Variants in TBC1D12 observed in about 807,000 individuals in gnomAD.
TBC1D12 encodes the protein TBC1 domain family, member 12.
Under a neutral mutation model 86.7 loss-of-function variants are expected in TBC1D12, and 56 were observed. The observed-to-expected ratio is 0.65, with a 90% CI of 0.52 to 0.81. The LOEUF is 0.81. Among genes scored for constraint, TBC1D12 ranks in the 30% least tolerant of loss-of-function variants. The probability of loss-of-function intolerance (pLI) is 0.00; values close to 1 mark genes in which losing one functional copy is unlikely to be tolerated. For synonymous variants in TBC1D12, 421 were observed against 411.7 expected (o/e 1.02, Z -0.27); for missense variants, 1,023 against 1,038.8 (o/e 0.98, Z 0.21).
rs200454823 is a variant in TBC1D12, at chr10:94,447,751, GT to G, written c.1095+5741del. 2.2e-5 allele frequency: 20 copies of G among 905,266 alleles called. No individual in the cohort carries two copies. The African/African-American group carries it at 2.6e-4, about 12-fold the overall frequency. 56.1% of individuals were successfully genotyped at this position (905,266 alleles called of 1,614,324 possible). On this transcript the variant is annotated intron_variant, in intron 2 of 12. Coordinates refer to ENST00000225235, the MANE Select transcript of TBC1D12 (RefSeq NM_015188.2). Reference sequence around the variant, plus strand: ...GTAGTTCAGTTGACCTGAGTTTTTTGTTTTTTTTTCTAAATTAGTAGGTAAA... The same window carrying G: ...GTAGTTCAGTTGACCTGAGTTTTTTGTTTTTTTTCTAAATTAGTAGGTAAA...
chr10:94,532,971 C>T lies in TBC1D12; in HGVS notation c.2260-57C>T, dbSNP rs959160590. The T allele has an allele frequency of 2.5e-5, 24 of 968,074 alleles. No individual in the cohort carries two copies. In the South Asian group the frequency reaches 3.5e-4, roughly 14 times the overall value. The allele number at this position is 968,074 out of a possible 1,614,324, so 60.0% of individuals were successfully genotyped here. On this transcript the variant is annotated intron_variant, in intron 12 of 12. Coordinates refer to ENST00000225235, the MANE Select transcript of TBC1D12 (RefSeq NM_015188.2). ...GTTTATGAACTATAGTTATTTAAAT[C>T]TCTTTAATCTGGGTGGTAGTTTTTG...
intron 5 of TBC1D12, among the ~76,000 whole-genome samples, chr10:94,498,128 T>C (rs1244436856): frequency 1.3e-5 from 2 of 152,162 alleles, no homozygotes; most frequent in Admixed American, 1.3e-4. Context: ...CTAGTTACTG[T>C]ATTTTCTTAA....
At chr10:94,444,085 G>A (rs552076178) in intron 2 of TBC1D12, among the ~76,000 whole-genome samples, 3 of 151,390 alleles carry the variant, frequency 2.0e-5, no homozygotes, top group South Asian at 2.1e-4. Flanking sequence ...CAGGAGAATC[G>A]CTTGAACCTG....
intron 3 of TBC1D12, among the ~76,000 whole-genome samples, chr10:94,487,192 T>C (rs2056176307): frequency 6.6e-6 from 1 of 151,864 alleles, no homozygotes; most frequent in Non-Finnish European, 1.5e-5. Flanking sequence ...TCAGTCTATA[T>C]ATGTCTTTAT....
rs115838036 is a variant in TBC1D12 at position 94,524,323 on chromosome 10, C to T, written c.2000+1870C>T. Among the ~76,000 whole-genome samples, 1,157 of 152,322 alleles carry T rather than the reference C, an allele frequency of 7.6e-3. 16 individuals are homozygous for T. Among genetic ancestry groups the T allele is most frequent in the African/African-American group, 0.027 (1,106 of 41,576 alleles). ...GACTCAGTCATGTGGCCACAACTAACTGCAAGTGAAGATGCAAAATGTGGT... is the reference window on the plus strand; with the variant it reads ...GACTCAGTCATGTGGCCACAACTAATTGCAAGTGAAGATGCAAAATGTGGT... On this transcript the variant is annotated intron_variant, in intron 11 of 12. Coordinates refer to ENST00000225235, the MANE Select transcript of TBC1D12 (RefSeq NM_015188.2).
intron 1 of TBC1D12, among the ~76,000 whole-genome samples, chr10:94,421,319 T>C (rs1012906293): frequency 2.6e-5 from 4 of 152,226 alleles, no homozygotes; most frequent in African/African-American, 9.6e-5. Flanking sequence ...CTTAACATAA[T>C]GTTCTCTCTG....
chr10:94,407,436 C>T (rs1472038383), intron 1 of TBC1D12, among the ~76,000 whole-genome samples: 1 of 152,216 alleles, frequency 6.6e-6, no homozygotes, highest in Non-Finnish European at 1.5e-5. Flanking sequence ...AATCCCAACA[C>T]TTTGGGAGGC....
At chr10:94,407,675 C>CA (rs35188808) in intron 1 of TBC1D12, among the ~76,000 whole-genome samples, 63,534 of 138,152 alleles carry the variant, frequency 0.46, 14,251 homozygotes, top group East Asian at 0.75. Context: ...GATTCCGTCT[C>CA]AAAAAAAAAA....
At chr10:94,526,904 G>A (rs1442785916) in intron 11 of TBC1D12, among the ~76,000 whole-genome samples, 1 of 152,072 alleles carries the variant, frequency 6.6e-6, no homozygotes, top group Non-Finnish European at 1.5e-5. Flanking sequence ...GTTATTTTTT[G>A]TCTTTTTGAT....
At chr10:94,519,584 C>A (rs1013129647) in intron 9 of TBC1D12, among the ~76,000 whole-genome samples, 1 of 152,136 alleles carries the variant, frequency 6.6e-6, no homozygotes, top group Non-Finnish European at 1.5e-5. Flanking sequence ...TACTGTTTGA[C>A]AATTCTGGAG....
intron 3 of TBC1D12, among the ~76,000 whole-genome samples, chr10:94,489,734 A>C (rs1421946675): frequency 6.6e-6 from 1 of 152,164 alleles, no homozygotes; most frequent in Non-Finnish European, 1.5e-5. Flanking sequence ...CCTAATTTCA[A>C]TGTTGTATCC....
At position 94,467,212 on chromosome 10, in the gene TBC1D12, T is replaced by C. The variant is rs186117270; in HGVS notation, c.1096-7456T>C. On this transcript the variant is annotated intron_variant, in intron 2 of 12. Transcript: ENST00000225235. The stretch of plus-strand genomic sequence containing the variant: ...CAAGTGCTTTTCCTTTGCACAAGTG[T>C]GTAGTCGAGTTTTTTTTTGTTTTTG... Among the ~76,000 whole-genome samples the C allele has an allele frequency of 2.6e-5, 4 of 152,228 alleles. No individual in the cohort carries two copies. The East Asian group carries it at 7.7e-4, about 29-fold the overall frequency.
At chr10:94,409,573 G>C (rs1160145036) in intron 1 of TBC1D12, among the ~76,000 whole-genome samples, 4 of 151,706 alleles carry the variant, frequency 2.6e-5, no homozygotes, top group Non-Finnish European at 5.9e-5. Flanking sequence ...ACAGGGTTTT[G>C]CCATGTTTCT....
At chr10:94,437,295 T>C (rs1589614678) in intron 1 of TBC1D12, among the ~76,000 whole-genome samples, 1 of 152,062 alleles carries the variant, frequency 6.6e-6, no homozygotes. Flanking sequence ...GTGTAGATTA[T>C]GTCTTTCCTC....
At chr10:94,463,731 G>A (rs530004928) in intron 2 of TBC1D12, among the ~76,000 whole-genome samples, 62 of 152,286 alleles carry the variant, frequency 4.1e-4, no homozygotes, top group African/African-American at 1.4e-3. Context: ...ATTACTGAAC[G>A]TTCCTTGTGT....
In TBC1D12 at chr10:94,536,203, A is replaced by C. The variant is rs1375126109; in HGVS notation, c.*3107A>C. Among the ~76,000 whole-genome samples, 2 of 152,146 alleles carry C rather than the reference A, an allele frequency of 1.3e-5. No homozygotes were observed. The highest frequency in any genetic ancestry group is 2.9e-5 in the Non-Finnish European group (2 of 67,994). ...TGTTACAGTATATTTTCAATTAAAA[A>C]AAAACTTTTCCTAAAATACTCAAAA... On this transcript the variant is annotated 3_prime_UTR_variant, in exon 13 of 13. Transcript: ENST00000225235.
At chr10:94,452,640 A>G (rs907400737) in intron 2 of TBC1D12, among the ~76,000 whole-genome samples, 3 of 152,076 alleles carry the variant, frequency 2.0e-5, no homozygotes, top group Admixed American at 6.6e-5. Context: ...GTGCTGAATA[A>G]TATTCTATTG....
chr10:94,406,131 C>CT (rs1380137237), intron 1 of TBC1D12, among the ~76,000 whole-genome samples: 4 of 152,044 alleles, frequency 2.6e-5, no homozygotes, highest in Admixed American at 6.6e-5. Context: ...TTATAGGAGG[C>CT]TTTCATATTA....
At chr10:94,464,309 CT>C (rs751139079) in intron 2 of TBC1D12, among the ~76,000 whole-genome samples, 1 of 151,442 alleles carries the variant, frequency 6.6e-6, no homozygotes, top group Non-Finnish European at 1.5e-5. Context: ...TGGTCTTTCA[CT>C]TTTTTTTTCT....
Sources: gnomAD v4.1 joint callset for allele counts (sites outside exome capture counted in the v4.1 genomes callset) on GRCh38, gnomAD v4.1.1 for gene constraint, MANE v1.5 for transcripts, NCBI Gene and HGNC (gene_info 2026-07-23, HGNC 2026-07-21) for gene names.